WASF1: variants seen among roughly 807,000 people sequenced by gnomAD.
The protein encoded by WASF1 is actin-binding protein WASF1.
In WASF1, 7 loss-of-function variants were observed where a neutral mutation model predicts 50.5. The ratio of observed to expected loss-of-function variants is 0.14; its 90% CI spans 0.08 to 0.26. The LOEUF is 0.26. Ranked by LOEUF, WASF1 falls within the 10% of genes least tolerant of loss-of-function variation. The probability of loss-of-function intolerance (pLI) is 1.00; values close to 1 mark genes in which losing one functional copy is unlikely to be tolerated. For missense variants in WASF1, 470 were observed against 694.7 expected, an observed-to-expected ratio of 0.68 and a Z score of 3.64; for synonymous variants, 205 against 244.0, an observed-to-expected ratio of 0.84 and a Z score of 1.49.
intron 4 of WASF1, among the ~76,000 whole-genome samples, chr6:110,115,710 T>C (rs1008010564): frequency 6.6e-6 from 1 of 152,130 alleles, no homozygotes; most frequent in Admixed American, 6.5e-5. Context: ...ACAGAGAACA[T>C]CATGAAAGTT....
intron 2 of WASF1, among the ~76,000 whole-genome samples, chr6:110,173,039 A>C (rs988179697): frequency 1.3e-5 from 2 of 152,164 alleles, no homozygotes; most frequent in South Asian, 2.1e-4. Flanking sequence ...TAGCACATGC[A>C]TGTTATAAAA....
Position 110,103,540 on chromosome 6 carries a change from T to C in WASF1, c.731A>G (p.Asp244Gly), listed in dbSNP as rs1300836342. ...AAGTGAGTAAGATCCATCCATATGA[T>C]CCACGTATGTCTGAGGTCTAAAAGA... ...HFETRPQTYVDHMDGSYSLSA... is the reference protein window; with the variant it reads ...HFETRPQTYVGHMDGSYSLSA... The change falls in exon 9 of 11, where the codon GAT (aspartate) becomes GGT (glycine). Residue 244 changes from aspartate (D) to glycine (G), a missense_variant. This residue lies in a region of WASF1 where 294 missense variants were observed against 343.5 expected (regional missense o/e 0.86). Transcript: ENST00000392589. The C allele has an allele frequency of 1.9e-6, 3 of 1,612,212 alleles. No individual in the cohort carries two copies. In the African/African-American group the frequency reaches 4.0e-5, roughly 22 times the overall value.
At chr6:110,168,137 G>C (rs1470587790) in intron 2 of WASF1, among the ~76,000 whole-genome samples, 1 of 151,770 alleles carries the variant, frequency 6.6e-6, no homozygotes, top group East Asian at 1.9e-4. Context: ...CACACTTTCT[G>C]GTCCTAACAT....
intron 3 of WASF1, among the ~76,000 whole-genome samples, chr6:110,146,662 A>C (rs1319563224): frequency 2.0e-5 from 3 of 152,120 alleles, no homozygotes; most frequent in African/African-American, 7.2e-5. Context: ...CAGAAACAGA[A>C]TTTTATAATT....
rs558671620 is a variant in WASF1, at chr6:110,131,160, C to T, written c.-28-3531G>A. On this transcript the variant is annotated intron_variant, in intron 3 of 10. Coordinates refer to ENST00000392589, the MANE Select transcript of WASF1 (RefSeq NM_003931.3). Reference sequence around the variant, plus strand: ...GTCTTTTAATGAACAGAAGTTTTTACGCTCCATGTGGTAGGGATATTCTCA... The same window carrying T: ...GTCTTTTAATGAACAGAAGTTTTTATGCTCCATGTGGTAGGGATATTCTCA... Among the ~76,000 whole-genome samples, 24 of 152,250 alleles carry T rather than the reference C, an allele frequency of 1.6e-4. No homozygotes were observed. The East Asian group carries it at 3.5e-3, about 22-fold the overall frequency.
chr6:110,105,366 A>C (rs1773271536), intron 8 of WASF1, 41 bp downstream of exon 8: 1 of 1,555,198 alleles, frequency 6.4e-7, no homozygotes, highest in African/African-American at 1.4e-5. Context: ...AAATAAAGCC[A>C]ATGTTTTATC....
intron 3 of WASF1, among the ~76,000 whole-genome samples, chr6:110,151,463 C>T (rs1775821177): frequency 6.6e-6 from 1 of 152,062 alleles, no homozygotes; most frequent in Non-Finnish European, 1.5e-5. Context: ...TAAAAGCATC[C>T]TACATGTTAT....
intron 4 of WASF1, among the ~76,000 whole-genome samples, chr6:110,124,219 T>TCC (rs1355416482): frequency 9.4e-5 from 6 of 63,830 alleles, no homozygotes; most frequent in African/African-American, 2.2e-4. Flanking sequence ...CTCTCTCTCC[T>TCC]CTCTCTCCTC....
rs1367926644 is a variant in WASF1, at chr6:110,124,216, T to TCTCTCCTC, written c.133+3252_133+3253insGAGGAGAG. On this transcript the variant is annotated intron_variant, in intron 4 of 10. Transcript: ENST00000392589. ...GTCTCTCTCTCTCTCTCTCTCTCTC[T>TCTCTCCTC]CCTCTCTCTCCTCTCTCTCCTCTCT... Among the ~76,000 whole-genome samples, 487 of 63,426 alleles carry TCTCTCCTC rather than the reference T, an allele frequency of 7.7e-3. 14 individuals carry two copies. The highest frequency in any genetic ancestry group is 0.016 in the African/African-American group (184 of 11,638). The allele number at this position is 63,426 out of a possible 152,430, so 41.6% of individuals were successfully genotyped here.
intron 3 of WASF1, among the ~76,000 whole-genome samples, chr6:110,154,716 T>C (rs185713412): frequency 1.9e-3 from 293 of 152,190 alleles, no homozygotes; most frequent in African/African-American, 6.7e-3. Flanking sequence ...TTACTTTATA[T>C]AGGAACAAAC....
intron 3 of WASF1, among the ~76,000 whole-genome samples, chr6:110,140,763 C>T (rs563470072): frequency 6.6e-6 from 1 of 152,246 alleles, no homozygotes; most frequent in Admixed American, 6.5e-5. Flanking sequence ...TGAACTCCCC[C>T]TTCTTGTGAT....
rs1277229584 is a variant in WASF1 at position 110,170,658 on chromosome 6, GAC to G, written c.-127+7938_-127+7939del. Among the ~76,000 whole-genome samples the G allele has an allele frequency of 1.8e-4, 27 of 150,658 alleles. No individual in the cohort carries two copies. The East Asian group carries it at 4.3e-3, about 24-fold the overall frequency. On this transcript the variant is annotated intron_variant, in intron 2 of 10. Transcript: ENST00000392589. ...TAAATATGCCAATTAAAAGATAAGA[GAC>G]AGAGTAGATTAAAAAAAAAAGACCT...
intron 3 of WASF1, among the ~76,000 whole-genome samples, chr6:110,149,140 G>T (rs530800713): frequency 6.6e-5 from 10 of 152,286 alleles, no homozygotes; most frequent in Non-Finnish European, 1.3e-4. Flanking sequence ...GTGGGAGAAT[G>T]ATGAGTTTTA....
chr6:110,144,507 C>T (rs570506083), intron 3 of WASF1, among the ~76,000 whole-genome samples: 227 of 152,284 alleles, frequency 1.5e-3, no homozygotes, highest in East Asian at 6.2e-3. Context: ...GTTGCCATTG[C>T]TTTTGGTGTT....
intron 3 of WASF1, among the ~76,000 whole-genome samples, chr6:110,142,059 A>C (rs1775267194): frequency 6.6e-6 from 1 of 152,186 alleles, no homozygotes; most frequent in Non-Finnish European, 1.5e-5. Context: ...CATGATTCTA[A>C]GGAGCTGCTT....
At chr6:110,152,353 T>C (rs1775862222) in intron 3 of WASF1, among the ~76,000 whole-genome samples, 1 of 152,126 alleles carries the variant, frequency 6.6e-6, no homozygotes, top group South Asian at 2.1e-4. Context: ...ACAATAATAT[T>C]AAATCCAACA....
chr6:110,168,903 C>A (rs1318268131), intron 2 of WASF1, among the ~76,000 whole-genome samples: 3 of 152,092 alleles, frequency 2.0e-5, no homozygotes, highest in Non-Finnish European at 4.4e-5. Flanking sequence ...CCTCTACTTT[C>A]AAAACCATCA....
chr6:110,127,369 A>G (rs1176873501), intron 4 of WASF1, 100 bp downstream of exon 4: 4 of 1,102,054 alleles, frequency 3.6e-6, no homozygotes, highest in Admixed American at 3.6e-5. Context: ...TACTCTTCTC[A>G]CCAAATCATA....
At chr6:110,122,033 G>A (rs190733792) in intron 4 of WASF1, among the ~76,000 whole-genome samples, 10 of 151,850 alleles carry the variant, frequency 6.6e-5, no homozygotes, top group African/African-American at 1.2e-4. Context: ...CGGGTCTGTC[G>A]GAGGGTCGGG....
Sources: gnomAD v4.1 joint callset for allele counts (sites outside exome capture counted in the v4.1 genomes callset) on GRCh38, gnomAD v4.1.1 for gene constraint, gnomAD v4.1.1 regional missense constraint, MANE v1.5 for transcripts, NCBI Gene and HGNC (gene_info 2026-07-23, HGNC 2026-07-21) for gene names.